IQCE: variants seen among roughly 807,000 people sequenced by gnomAD.
IQCE encodes the protein IQ motif containing E.
In IQCE, 115 loss-of-function variants were observed where a neutral mutation model predicts 96.0. The ratio of observed to expected loss-of-function variants is 1.20; its 90% CI spans 1.03 to 1.40. IQCE has a LOEUF of 1.40. Ranked by LOEUF, IQCE falls within the 40% of genes most tolerant of loss-of-function variation. The pLI is 0.00. For missense variants in IQCE, 1,041 were observed against 909.1 expected (o/e 1.15, Z -1.87); for synonymous variants, 412 against 371.2 (o/e 1.11, Z -1.26).
At position 2,571,533 on chromosome 7, in the gene IQCE, T is replaced by A; in HGVS notation, c.138T>A (p.Pro46=). Residue 46 remains proline, a synonymous_variant, in exon 4 of 22, where the codon CCT becomes CCA. Coordinates refer to ENST00000402050, the MANE Select transcript of IQCE (RefSeq NM_152558.5). ...HKPPPTSPKS[P]YLSKPRKVAS... is the part of the protein sequence containing the mutation. ...ACGTGTTGGCTTTTCCAGAGTCACC[T>A]TATCTCTCTAAGCCGAGAAAAGTGG... The A allele has an allele frequency of 6.2e-7, 1 of 1,606,532 alleles. No individual in the cohort carries two copies. Among genetic ancestry groups the A allele is most frequent in the Non-Finnish European group, 8.5e-7 (1 of 1,179,964 alleles).
Position 2,598,520 on chromosome 7 carries a change from C to G in IQCE, c.1496C>G (p.Pro499Arg), listed in dbSNP as rs762277267. 1.9e-5 allele frequency: 30 copies of G among 1,610,794 alleles called. No individual in the cohort carries two copies. The African/African-American group carries it at 3.3e-4, about 18-fold the overall frequency. ...AGCAGGCACTGCGAGCAAGACTGGC[C>G]GCCGGATTCCAGCGAGGAGGGGCTC... is the stretch of plus-strand genomic sequence containing the variant. ...PSSRHCEQDW[P>R]PDSSEEGLPR... The change falls in exon 17 of 22, where the codon CCG becomes CGG. Residue 499 changes from proline to arginine, a missense_variant. By Grantham distance (103) the Pro-to-Arg change is moderately radical (BLOSUM62 -2). Coordinates refer to ENST00000402050, the MANE Select transcript of IQCE (RefSeq NM_152558.5).
chr7:2,576,246 A>G (rs1424242685), intron 6 of IQCE, among the ~76,000 whole-genome samples: 1 of 152,152 alleles, frequency 6.6e-6, no homozygotes, highest in Non-Finnish European at 1.5e-5. Context: ...TGGTGGTTAG[A>G]TGCAGGCTGA....
intron 1 of IQCE, among the ~76,000 whole-genome samples, chr7:2,566,353 C>T (rs1781372048): frequency 2.7e-5 from 4 of 148,320 alleles, no homozygotes; most frequent in South Asian, 2.1e-4. Context: ...TTATTTCATT[C>T]CCTGGACCAG....
At chr7:2,580,679 A>G (rs1401704421) in intron 8 of IQCE, among the ~76,000 whole-genome samples, 3 of 152,278 alleles carry the variant, frequency 2.0e-5, no homozygotes, top group South Asian at 2.1e-4. Flanking sequence ...GTGGATTCAC[A>G]GGCGCCAGCA....
At chr7:2,582,183 G>T in intron 8 of IQCE, 1 of 412,432 alleles carries the variant, frequency 2.4e-6, no homozygotes, top group Non-Finnish European at 4.8e-6. Context: ...GCCCCATGGA[G>T]ACTGAACTGG....
rs754772955 is a variant in IQCE at position 2,568,992 on chromosome 7, A to G, written c.123A>G (p.Thr41=). 8 of 1,613,854 alleles carry G rather than the reference A, an allele frequency of 5.0e-6. No homozygotes were observed. In the East Asian group the frequency reaches 6.7e-5, roughly 13 times the overall value. The part of the protein sequence containing the change: ...KRKAFHKPPP[T]SPKSPYLSKP... ...AAGCTTTCCACAAACCTCCACCCACATCGCCAAGTAAGTATGACGAGGCCT... is the reference window on the plus strand; with the variant it reads ...AAGCTTTCCACAAACCTCCACCCACGTCGCCAAGTAAGTATGACGAGGCCT... Residue 41 remains threonine, a synonymous_variant, in exon 3 of 22, where the codon ACA becomes ACG. Transcript: ENST00000402050.
Position 2,607,172 on chromosome 7 carries a change from G to T in IQCE, c.1914G>T (p.Ser638=), listed in dbSNP as rs1362468444. The T allele has an allele frequency of 6.2e-7, 1 of 1,612,688 alleles. No individual in the cohort carries two copies. The highest frequency in any genetic ancestry group is 8.5e-7 in the Non-Finnish European group (1 of 1,179,430). Residue 638 remains serine, a synonymous_variant, in exon 21 of 22, where the codon TCG becomes TCT. Coordinates refer to ENST00000402050, the MANE Select transcript of IQCE (RefSeq NM_152558.5). ...TTTAASTRRR[S]ASATHGDASS... Reference sequence around the variant, plus strand: ...CCGCAGCTTCTACCAGGAGGAGATCGGCTTCAGCCACACACGGGGACGCCT... The same window carrying T: ...CCGCAGCTTCTACCAGGAGGAGATCTGCTTCAGCCACACACGGGGACGCCT...
At chr7:2,576,712 C>CT (rs982150225) in intron 6 of IQCE, among the ~76,000 whole-genome samples, 13 of 152,276 alleles carry the variant, frequency 8.5e-5, no homozygotes, top group African/African-American at 2.6e-4. Context: ...ACTACACAGT[C>CT]TTTTTTGTCC....
At chr7:2,559,414 C>T (rs1780749848) in intron 1 of IQCE, 197 bp downstream of exon 1, 1 of 304,510 alleles carries the variant, frequency 3.3e-6, no homozygotes, top group East Asian at 5.4e-5. Context: ...GCCTCGCCCG[C>T]GCCCGCTTTC....
At chr7:2,574,799 C>T (rs576370549) in intron 6 of IQCE, among the ~76,000 whole-genome samples, 4 of 152,320 alleles carry the variant, frequency 2.6e-5, no homozygotes, top group South Asian at 4.1e-4. Context: ...TCGTGAAGAT[C>T]GGGTAGCTTC....
intron 21 of IQCE, chr7:2,607,642 T>G: frequency 2.3e-6 from 2 of 859,682 alleles, no homozygotes; most frequent in East Asian, 5.6e-5. Context: ...TGAGGCCTCA[T>G]CCCTGCTCTG....
At chr7:2,570,846 G>C (rs1051007608) in intron 3 of IQCE, among the ~76,000 whole-genome samples, 2 of 151,892 alleles carry the variant, frequency 1.3e-5, no homozygotes, top group Non-Finnish European at 2.9e-5. Flanking sequence ...TCTAAATATT[G>C]CTCTGTCACT....
At chr7:2,584,978 T>C (rs893715103) in intron 11 of IQCE, among the ~76,000 whole-genome samples, 3 of 151,982 alleles carry the variant, frequency 2.0e-5, no homozygotes, top group Non-Finnish European at 4.4e-5. Context: ...TCCATGAACA[T>C]AGAACGAGCG....
chr7:2,603,473 TTC>T (rs34179980), intron 18 of IQCE, among the ~76,000 whole-genome samples: 37,599 of 152,032 alleles, frequency 0.25, 4,867 homozygotes, highest in Non-Finnish European at 0.29. Flanking sequence ...CCCATCCTGC[TTC>T]TCTCCCTGGC....
In IQCE at chr7:2,586,349, C is replaced by G; in HGVS notation, c.966C>G (p.Ser322=). 6.2e-7 allele frequency: 1 copy of G among 1,613,160 alleles called. No individual in the cohort carries two copies. Among genetic ancestry groups the G allele is most frequent in the Non-Finnish European group, 8.5e-7 (1 of 1,179,784 alleles). Residue 322 remains serine (S), a synonymous_variant, in exon 12 of 22, where the codon TCC becomes TCG. Coordinates refer to ENST00000402050, the MANE Select transcript of IQCE (RefSeq NM_152558.5). Reference sequence around the variant, plus strand: ...ACCTGGACCGCGTGCTGAGCACCTCCCCAACCATCTCCAAGACACAGGGTA... The same window carrying G: ...ACCTGGACCGCGTGCTGAGCACCTCGCCAACCATCTCCAAGACACAGGGTA... ...KEDLDRVLST[S]PTISKTQGYV... is the part of the protein sequence containing the mutation.
At chr7:2,600,182 G>T (rs1241885054) in intron 17 of IQCE, among the ~76,000 whole-genome samples, 2 of 151,776 alleles carry the variant, frequency 1.3e-5, no homozygotes, top group African/African-American at 4.8e-5. Context: ...CTGTTTCCTT[G>T]TGGGGTCATA....
chr7:2,598,374 C>T lies in IQCE; in HGVS notation c.1441-91C>T. 6.2e-6 allele frequency: 8 copies of T among 1,294,488 alleles called. No homozygotes were observed. The South Asian group carries it at 1.2e-4, about 19-fold the overall frequency. 80.2% of individuals were successfully genotyped at this position (1,294,488 alleles called of 1,614,324 possible). On this transcript the variant is annotated intron_variant, in intron 16 of 21. Coordinates refer to ENST00000402050, the MANE Select transcript of IQCE (RefSeq NM_152558.5). ...GAGACTCACCTGATAAGCGCAGCCG[C>T]ACCATGCCGGGTAATATCCTGTCCC...
chr7:2,606,096 CTG>C, intron 20 of IQCE, 99 bp downstream of exon 20: 2 of 1,389,356 alleles, frequency 1.4e-6, no homozygotes, highest in Non-Finnish European at 1.9e-6. Context: ...GTGGCGGAAA[CTG>C]GAGCAGCGCC....
In IQCE at chr7:2,582,575, G is replaced by A; in HGVS notation, c.631-5G>A. 6.2e-7 allele frequency: 1 copy of A among 1,613,866 alleles called. No homozygotes were observed. Among genetic ancestry groups the A allele is most frequent in the Non-Finnish European group, 8.5e-7 (1 of 1,179,874 alleles). On this transcript the variant is annotated splice_region_variant and splice_polypyrimidine_tract_variant and intron_variant, in intron 8 of 21. Transcript: ENST00000402050. ...GCCTGCCTGATGGGCACGTTCCCCG[G>A]GCAGGTCATTAACGGGCTGAAGCAG... is the stretch of plus-strand genomic sequence containing the variant.
Sources: gnomAD v4.1 joint callset for allele counts (sites outside exome capture counted in the v4.1 genomes callset) on GRCh38, gnomAD v4.1.1 for gene constraint, MANE v1.5 for transcripts, NCBI Gene and HGNC (gene_info 2026-07-23, HGNC 2026-07-21) for gene names.